The following INSR variants were observed in gnomAD, a reference collection of about 807,000 sequenced individuals.
The protein encoded by INSR is IR.
A neutral mutation model predicts 142.6 loss-of-function variants in INSR; 67 were observed. The ratio of observed to expected loss-of-function variants is 0.47; its 90% CI spans 0.39 to 0.58. The LOEUF is 0.58. Ranked by LOEUF, INSR falls within the 20% of genes least tolerant of loss-of-function variation. The pLI is 0.00. For missense variants in INSR, 1,248 were observed against 1,833.2 expected, an observed-to-expected ratio of 0.68 and a Z score of 5.83; for synonymous variants, 756 against 743.1, an observed-to-expected ratio of 1.02 and a Z score of -0.28.
intron 14 of INSR, among the ~76,000 whole-genome samples, chr19:7,130,347 T>C (rs565605972): frequency 1.3e-5 from 2 of 152,116 alleles, no homozygotes; most frequent in East Asian, 3.9e-4. Context: ...TAAGTGAGAG[T>C]GAGACACTGA....
chr19:7,152,931 G>C lies in INSR; in HGVS notation c.2030-4C>G. ...GTCCTCGAGGGCAGCTTCAGCCCTG[G>C]AGAAAGAAACAGAAAAGGGGGGCTC... On this transcript the variant is annotated splice_region_variant and splice_polypyrimidine_tract_variant and intron_variant, in intron 9 of 21. Coordinates refer to ENST00000302850, the MANE Select transcript of INSR (RefSeq NM_000208.4). 1 of 1,608,516 alleles carries C rather than the reference G, an allele frequency of 6.2e-7. No individual in the cohort carries two copies. The highest frequency in any genetic ancestry group is 8.5e-7 in the Non-Finnish European group (1 of 1,178,452).
chr19:7,236,325 A>G (rs1276046670), intron 2 of INSR, among the ~76,000 whole-genome samples: 2 of 152,128 alleles, frequency 1.3e-5, no homozygotes, highest in Non-Finnish European at 2.9e-5. Flanking sequence ...ATATAACCTC[A>G]AGAGATATGA....
intron 1 of INSR, among the ~76,000 whole-genome samples, chr19:7,290,950 A>C (rs1968476664): frequency 6.6e-6 from 1 of 151,816 alleles, no homozygotes; most frequent in Non-Finnish European, 1.5e-5. Flanking sequence ...CACGCCTGTA[A>C]TCCCAGCTAC....
intron 2 of INSR, among the ~76,000 whole-genome samples, chr19:7,261,249 C>T (rs530519792): frequency 3.9e-5 from 6 of 152,156 alleles, no homozygotes; most frequent in African/African-American, 1.4e-4. Context: ...TTGGTTTGAT[C>T]GTGAACATCT....
At chr19:7,136,220 G>A (rs1972923058) in intron 13 of INSR, among the ~76,000 whole-genome samples, 1 of 152,098 alleles carries the variant, frequency 6.6e-6, no homozygotes, top group Admixed American at 6.6e-5. Flanking sequence ...CCAGGCTGGG[G>A]TTGAGAGTGG....
At position 7,125,558 on chromosome 19, in the gene INSR, G is replaced by A. The variant is rs1455449729; in HGVS notation, c.3014-31C>T. ...TCTTACTTATCTACACAGCATCCTT[G>A]GAGGATCCCTTGGGGGTCTGCAGCC... On this transcript the variant is annotated intron_variant, in intron 16 of 21. Transcript: ENST00000302850. This position sits in a 1 kb window ranked among gnomAD's most constrained non-coding sequence, Gnocchi z 4.9. The A allele has an allele frequency of 6.2e-7, 1 of 1,610,058 alleles. No homozygotes were observed. The highest frequency in any genetic ancestry group is 8.5e-7 in the Non-Finnish European group (1 of 1,179,932).
At chr19:7,229,760 CTTTTTTT>C (rs71177180) in intron 2 of INSR, among the ~76,000 whole-genome samples, 1 of 87,498 alleles carries the variant, frequency 1.1e-5, no homozygotes, top group Non-Finnish European at 2.2e-5. Flanking sequence ...CATTTACAGT[CTTTTTTT>C]TTTTTTTTTT....
At chr19:7,289,111 G>A (rs145779672) in intron 1 of INSR, among the ~76,000 whole-genome samples, 1 of 152,112 alleles carries the variant, frequency 6.6e-6, no homozygotes, top group East Asian at 1.9e-4. Flanking sequence ...CTTCCAGGAG[G>A]GGGGACTGGC....
At chr19:7,170,999 T>C (rs1974004494) in intron 5 of INSR, among the ~76,000 whole-genome samples, 1 of 152,082 alleles carries the variant, frequency 6.6e-6, no homozygotes, top group Non-Finnish European at 1.5e-5. Context: ...GACTGAGGAA[T>C]AGGTTTTGCA....
intron 2 of INSR, among the ~76,000 whole-genome samples, chr19:7,208,780 C>T (rs1034939358): frequency 2.0e-5 from 3 of 151,806 alleles, no homozygotes; most frequent in Admixed American, 1.3e-4. Flanking sequence ...CCGAAGTGGG[C>T]GGATCACGAG....
chr19:7,133,294 T>C (rs919863339), intron 13 of INSR, among the ~76,000 whole-genome samples: 3 of 151,894 alleles, frequency 2.0e-5, no homozygotes, highest in Admixed American at 2.0e-4. Context: ...AAATAATAGT[T>C]GTGTACACGT....
intron 13 of INSR, among the ~76,000 whole-genome samples, chr19:7,137,280 AAAAT>A: frequency 6.6e-6 from 1 of 150,464 alleles, no homozygotes; most frequent in African/African-American, 2.5e-5. Context: ...AAAAAAAAAA[AAAAT>A]CCCTCATGCC....
intron 1 of INSR, among the ~76,000 whole-genome samples, chr19:7,290,013 G>A (rs1472660120): frequency 6.6e-6 from 1 of 152,166 alleles, no homozygotes; most frequent in Non-Finnish European, 1.5e-5. Flanking sequence ...AGTGGGGTGA[G>A]GTGGGGAGCC....
chr19:7,173,361 C>T (rs1974061966), intron 4 of INSR, among the ~76,000 whole-genome samples: 1 of 152,020 alleles, frequency 6.6e-6, no homozygotes, highest in South Asian at 2.1e-4. Flanking sequence ...GTCTATGGCC[C>T]AGGCTGGAGT....
In INSR at chr19:7,192,118, AAGAG is replaced by A. The variant is rs1974611224; in HGVS notation, c.653-7485_653-7482del. ...ATACAGAAAGAGAAAAAAGAAAAGAAAGAGGGAGAAAGAAGAAAGATAAGAGAGA... is the reference window on the plus strand; with the variant it reads ...ATACAGAAAGAGAAAAAAGAAAAGAAGGAGAAAGAAGAAAGATAAGAGAGA... On this transcript the variant is annotated intron_variant, in intron 2 of 21. Transcript: ENST00000302850. This position sits in a 1 kb window ranked among gnomAD's most constrained non-coding sequence, Gnocchi z 4.2. Among the ~76,000 whole-genome samples the A allele has an allele frequency of 6.6e-6, 1 of 150,826 alleles. No homozygotes were observed. The highest frequency in any genetic ancestry group is 1.5e-5 in the Non-Finnish European group (1 of 67,770).
At chr19:7,176,689 G>A (rs536688767) in intron 3 of INSR, among the ~76,000 whole-genome samples, 3 of 152,082 alleles carry the variant, frequency 2.0e-5, no homozygotes, top group South Asian at 2.1e-4. Context: ...TTTGCTTTCC[G>A]CCACGATTGT....
intron 9 of INSR, among the ~76,000 whole-genome samples, chr19:7,162,147 T>C: frequency 6.6e-6 from 1 of 151,208 alleles, no homozygotes; most frequent in East Asian, 2.0e-4. Flanking sequence ...GCCAACATGG[T>C]GAAACCCCAT....
chr19:7,186,916 G>A (rs1408311250), intron 2 of INSR, among the ~76,000 whole-genome samples: 1 of 151,362 alleles, frequency 6.6e-6, no homozygotes, highest in Non-Finnish European at 1.5e-5. Context: ...TGTTGGCCGG[G>A]CTGGTCTTGA....
chr19:7,238,482 G>A (rs775367251), intron 2 of INSR, among the ~76,000 whole-genome samples: 14 of 151,774 alleles, frequency 9.2e-5, no homozygotes, highest in African/African-American at 2.2e-4. Flanking sequence ...TTAGCCGGGC[G>A]TGGTGGCATG....
Sources: allele counts gnomAD v4.1 joint callset (sites outside exome capture counted in the v4.1 genomes callset), GRCh38; gene constraint gnomAD v4.1.1; non-coding constraint Gnocchi (gnomAD v3.1); transcripts MANE v1.5; gene names NCBI Gene and HGNC (gene_info 2026-07-23, HGNC 2026-07-21).